PACRG: variants seen among roughly 807,000 people sequenced by gnomAD.
PACRG encodes parkin coregulated, also known as parkin coregulated gene protein.
Under a neutral mutation model 29.7 loss-of-function variants are expected in PACRG, and 29 were observed. That is an observed-to-expected ratio of 0.98 (90% CI 0.73 to 1.33). PACRG has a LOEUF of 1.33. Ranked by LOEUF, PACRG falls within the 40% of genes most tolerant of loss-of-function variation. The pLI is 0.00. For synonymous variants in PACRG, 116 were observed against 118.7 expected (o/e 0.98, Z 0.15); for missense variants, 279 against 316.2 (o/e 0.88, Z 0.89).
rs553940575 is a variant in PACRG, at chr6:163,116,416, C to T, written c.613+27008C>T. ...TCCAACACTGGGGACCACAATTCGA[C>T]GTGATATTTGGGCAGGGAAATAGGT... is the stretch of plus-strand genomic sequence containing the variant. On this transcript the variant is annotated intron_variant, in intron 4 of 4. Coordinates refer to ENST00000366888, the MANE Select transcript of PACRG (RefSeq NM_001080379.2). 1.4e-4 allele frequency among the ~76,000 whole-genome samples: 22 copies of T among 152,172 alleles called. No individual in the cohort carries two copies. The South Asian group carries it at 4.6e-3, about 32-fold the overall frequency.
intron 4 of PACRG, among the ~76,000 whole-genome samples, chr6:163,228,721 A>G (rs1781907457): frequency 1.3e-5 from 2 of 152,240 alleles, no homozygotes; most frequent in South Asian, 4.1e-4. Flanking sequence ...AAATAAAAAG[A>G]AACCTTTATA....
rs35665491 is a variant in PACRG at position 162,969,046 on chromosome 6, C to CAAAAA, written c.292-93088_292-93084dup. Among the ~76,000 whole-genome samples, 37 of 72,840 alleles carry CAAAAA rather than the reference C, an allele frequency of 5.1e-4. 3 individuals carry two copies. The highest frequency in any genetic ancestry group is 1.3e-3 in the South Asian group (2 of 1,516). 47.8% of individuals were successfully genotyped at this position (72,840 alleles called of 152,430 possible). ...TGGGGAACAGAGCGAGACTCTATCACAAAAAAAAAAAAAAAAAAAAGTAAC... is the reference window on the plus strand; with the variant it reads ...TGGGGAACAGAGCGAGACTCTATCACAAAAAAAAAAAAAAAAAAAAAAAAAGTAAC... On this transcript the variant is annotated intron_variant, in intron 2 of 4. Coordinates refer to ENST00000366888, the MANE Select transcript of PACRG (RefSeq NM_001080379.2).
intron 4 of PACRG, among the ~76,000 whole-genome samples, chr6:163,265,095 C>G (rs1783477109): frequency 6.6e-6 from 1 of 152,200 alleles, no homozygotes. Flanking sequence ...GAGCCGGCTT[C>G]CACTCCTGCT....
chr6:163,114,505 A>T (rs969828241), intron 4 of PACRG, among the ~76,000 whole-genome samples: 2 of 152,198 alleles, frequency 1.3e-5, no homozygotes, highest in South Asian at 4.1e-4. Context: ...ATCCATATAT[A>T]TATGCATGTT....
intron 2 of PACRG, among the ~76,000 whole-genome samples, chr6:163,012,886 C>T (rs1342749357): frequency 6.6e-6 from 1 of 152,162 alleles, no homozygotes. Flanking sequence ...TGATCCAAAG[C>T]TTTCACGGTC....
At chr6:162,956,656 G>A (rs1303596086) in intron 2 of PACRG, among the ~76,000 whole-genome samples, 3 of 152,140 alleles carry the variant, frequency 2.0e-5, no homozygotes, top group Admixed American at 6.5e-5. Flanking sequence ...GCTTGGGGCA[G>A]CATTGCTCCT....
At chr6:163,195,524 G>A (rs1780412477) in intron 4 of PACRG, among the ~76,000 whole-genome samples, 1 of 152,160 alleles carries the variant, frequency 6.6e-6, no homozygotes. Context: ...TTTCAATGTG[G>A]TGTGACTCCC....
chr6:163,144,491 G>A lies in PACRG; in HGVS notation c.613+55083G>A, dbSNP rs529148459. ...GATGATGTTAAAGGTAATACAGGCC[G>A]GGTTCAGTGGCTCATACCTGTAATC... On this transcript the variant is annotated intron_variant, in intron 4 of 4. Coordinates refer to ENST00000366888, the MANE Select transcript of PACRG (RefSeq NM_001080379.2). 8.5e-5 allele frequency among the ~76,000 whole-genome samples: 13 copies of A among 152,174 alleles called. No homozygotes were observed. In the South Asian group the frequency reaches 1.7e-3, roughly 19 times the overall value.
intron 4 of PACRG, among the ~76,000 whole-genome samples, chr6:163,241,572 G>T (rs545683305): frequency 6.6e-6 from 1 of 152,330 alleles, no homozygotes; most frequent in Non-Finnish European, 1.5e-5. Context: ...GGAGGGCTGA[G>T]CTGGCAGCTG....
At chr6:162,928,607 A>G (rs1015684988) in intron 2 of PACRG, among the ~76,000 whole-genome samples, 1 of 152,016 alleles carries the variant, frequency 6.6e-6, no homozygotes, top group East Asian at 1.9e-4. Flanking sequence ...TCTTTTCTTT[A>G]TGCTAGAAAG....
At chr6:162,947,362 GTAATC>G (rs1799148675) in intron 2 of PACRG, among the ~76,000 whole-genome samples, 2 of 54,908 alleles carry the variant, frequency 3.6e-5, no homozygotes, top group African/African-American at 7.2e-5. Flanking sequence ...TATATATAAT[GTAATC>G]ATATATAATC....
At chr6:163,130,104 A>G (rs1816674878) in intron 4 of PACRG, among the ~76,000 whole-genome samples, 1 of 152,236 alleles carries the variant, frequency 6.6e-6, no homozygotes, top group African/African-American at 2.4e-5. Flanking sequence ...ATTGTCTTAG[A>G]TAAGGAATGA....
At chr6:162,847,279 C>T (rs1183382739) in intron 2 of PACRG, among the ~76,000 whole-genome samples, 2 of 152,216 alleles carry the variant, frequency 1.3e-5, no homozygotes, top group African/African-American at 4.8e-5. Context: ...AAGTCATTTA[C>T]ACACAGCTTT....
intron 4 of PACRG, among the ~76,000 whole-genome samples, chr6:163,202,644 C>A (rs755682945): frequency 6.6e-6 from 1 of 152,122 alleles, no homozygotes; most frequent in Non-Finnish European, 1.5e-5. Context: ...GAAATGAGAA[C>A]TACTAAGCTA....
intron 2 of PACRG, among the ~76,000 whole-genome samples, chr6:162,971,614 C>G (rs1455023923): frequency 6.6e-6 from 1 of 152,204 alleles, no homozygotes; most frequent in Non-Finnish European, 1.5e-5. Context: ...AATCGCTCCC[C>G]AAATTCCATG....
At chr6:162,794,494 C>T (rs914470129) in intron 1 of PACRG, among the ~76,000 whole-genome samples, 7 of 152,080 alleles carry the variant, frequency 4.6e-5, no homozygotes, top group African/African-American at 1.7e-4. Flanking sequence ...GTCCTTTTAG[C>T]TATCTTTCTT....
chr6:163,272,043 C>CTT (rs11381981), intron 4 of PACRG, among the ~76,000 whole-genome samples: 9,310 of 142,940 alleles, frequency 0.065, 704 homozygotes, highest in African/African-American at 0.17. Context: ...TTTCCTTTTT[C>CTT]TTTTTTTTTT....
At chr6:163,185,853 G>A (rs1399655588) in intron 4 of PACRG, among the ~76,000 whole-genome samples, 2 of 152,072 alleles carry the variant, frequency 1.3e-5, no homozygotes, top group Non-Finnish European at 2.9e-5. Flanking sequence ...GTTGTGCATC[G>A]GGAGAATTTT....
intron 2 of PACRG, among the ~76,000 whole-genome samples, chr6:162,988,517 G>A (rs1407324692): frequency 6.6e-6 from 1 of 152,114 alleles, no homozygotes; most frequent in Admixed American, 6.6e-5. Flanking sequence ...GTTTTGGAAA[G>A]GGAAGTTGTT....
Sources: allele counts gnomAD v4.1 joint callset (sites outside exome capture counted in the v4.1 genomes callset), GRCh38; gene constraint gnomAD v4.1.1; transcripts MANE v1.5; gene names NCBI Gene and HGNC (gene_info 2026-07-23, HGNC 2026-07-21).